ARHGAP31: variants seen among roughly 807,000 people sequenced by gnomAD.
The protein encoded by ARHGAP31 is Rho GTPase activating protein 31.
In ARHGAP31, 34 loss-of-function variants were observed where a neutral mutation model predicts 113.9. The ratio of observed to expected loss-of-function variants is 0.30; its 90% confidence interval spans 0.23 to 0.40. The LOEUF is 0.40. Ranked by LOEUF, ARHGAP31 falls within the 10% of genes least tolerant of loss-of-function variation. The probability of loss-of-function intolerance (pLI) is 1.00; values close to 1 mark genes in which losing one functional copy is unlikely to be tolerated. For synonymous variants in ARHGAP31, 650 were observed against 684.8 expected (o/e 0.95, Z 0.79); for missense variants, 1,548 against 1,767.1 (o/e 0.88, Z 2.22).
At chr3:119,391,608 CGTCACTCATA>C (rs2080505789) in intron 7 of ARHGAP31, among the ~76,000 whole-genome samples, 3 of 140,736 alleles carry the variant, frequency 2.1e-5, no homozygotes, top group African/African-American at 5.6e-5. Context: ...TCCCCCCCGC[CGTCACTCATA>C]TCCCATAGTA....
chr3:119,319,166 G>A lies in ARHGAP31; in HGVS notation c.100+24162G>A, dbSNP rs79507629. 4.1e-3 allele frequency among the ~76,000 whole-genome samples: 616 copies of A among 150,704 alleles called. 1 individual carries two copies. The highest frequency in any genetic ancestry group is 0.014 in the African/African-American group (594 of 40,982). ...CAACCAGAACAAGACACCAACCACA[G>A]AGATTAATCTTCTGGTATGGGTGCT... is the stretch of plus-strand genomic sequence containing the variant. On this transcript the variant is annotated intron_variant, in intron 1 of 11. Transcript: ENST00000264245.
intron 1 of ARHGAP31, among the ~76,000 whole-genome samples, chr3:119,334,750 C>A (rs2079927917): frequency 1.3e-5 from 2 of 152,252 alleles, no homozygotes; most frequent in South Asian, 2.1e-4. Flanking sequence ...CTGCACTAAG[C>A]ACTTTACAAG....
rs144803199 is a variant in ARHGAP31, at chr3:119,319,529, A to C, written c.100+24525A>C. 2.3e-3 allele frequency among the ~76,000 whole-genome samples: 346 copies of C among 152,320 alleles called. 1 individual carries two copies. Among genetic ancestry groups the C allele is most frequent in the African/African-American group, 7.9e-3 (330 of 41,568 alleles). On this transcript the variant is annotated intron_variant, in intron 1 of 11. Coordinates refer to ENST00000264245, the MANE Select transcript of ARHGAP31 (RefSeq NM_020754.4). ...TAAATTGCAGGATATCAAGCAAGGC[A>C]GTTCCCACCTTCCATCTAGATGCCA...
intron 1 of ARHGAP31, among the ~76,000 whole-genome samples, chr3:119,313,292 A>G (rs926409681): frequency 6.6e-6 from 1 of 152,224 alleles, no homozygotes; most frequent in African/African-American, 2.4e-5. Context: ...TTTTGTGTAT[A>G]TACAAGCAAA....
intron 4 of ARHGAP31, 25 bp downstream of exon 4, chr3:119,381,011 G>A (rs781545145): frequency 1.3e-5 from 21 of 1,595,602 alleles, no homozygotes; most frequent in Middle Eastern, 1.7e-4. Context: ...GAAAAGAAAC[G>A]TGTGGCCTCT....
At chr3:119,412,844 G>A (rs1363586703) in intron 11 of ARHGAP31, among the ~76,000 whole-genome samples, 1 of 151,768 alleles carries the variant, frequency 6.6e-6, no homozygotes, top group African/African-American at 2.4e-5. Flanking sequence ...GCAACATGGT[G>A]AAACCCCATC....
intron 3 of ARHGAP31, among the ~76,000 whole-genome samples, chr3:119,376,858 G>A (rs186834861): frequency 6.6e-6 from 1 of 152,236 alleles, no homozygotes; most frequent in East Asian, 1.9e-4. Flanking sequence ...GCAAAGGGGT[G>A]CAGTAGCCAA....
intron 1 of ARHGAP31, among the ~76,000 whole-genome samples, chr3:119,324,522 T>C (rs934501206): frequency 6.6e-6 from 1 of 152,246 alleles, no homozygotes; most frequent in Non-Finnish European, 1.5e-5. Flanking sequence ...TCTTTTAAAC[T>C]TGATCTGTGA....
chr3:119,346,752 A>G (rs183820481), intron 1 of ARHGAP31, among the ~76,000 whole-genome samples: 1 of 152,342 alleles, frequency 6.6e-6, no homozygotes, highest in East Asian at 1.9e-4. Flanking sequence ...CCTGAAAATC[A>G]GAGAAAAAAG....
chr3:119,349,912 C>T (rs934200058), intron 1 of ARHGAP31, among the ~76,000 whole-genome samples: 5 of 152,116 alleles, frequency 3.3e-5, no homozygotes, highest in African/African-American at 7.2e-5. Flanking sequence ...TGAGAATGGT[C>T]ATCTATTCAA....
At chr3:119,372,701 T>G (rs938426192) in intron 3 of ARHGAP31, among the ~76,000 whole-genome samples, 1 of 152,182 alleles carries the variant, frequency 6.6e-6, no homozygotes, top group Non-Finnish European at 1.5e-5. Flanking sequence ...AATAATTGAG[T>G]GCTTACTATA....
intron 1 of ARHGAP31, among the ~76,000 whole-genome samples, chr3:119,297,909 A>AAC (rs10575145): frequency 0.32 from 45,258 of 142,514 alleles, 6,976 homozygotes; most frequent in South Asian, 0.37. Flanking sequence ...TTTCCTTAGA[A>AAC]ACACACACAC....
intron 1 of ARHGAP31, among the ~76,000 whole-genome samples, chr3:119,336,125 A>C (rs919771300): frequency 2.0e-5 from 3 of 152,188 alleles, no homozygotes; most frequent in Non-Finnish European, 4.4e-5. Context: ...CAGTGAGCCA[A>C]GTTCACGCCA....
At chr3:119,343,694 A>G (rs1275278827) in intron 1 of ARHGAP31, among the ~76,000 whole-genome samples, 1 of 152,190 alleles carries the variant, frequency 6.6e-6, no homozygotes, top group Non-Finnish European at 1.5e-5. Flanking sequence ...CACCTATGGG[A>G]AGGGAAAACC....
In ARHGAP31 at chr3:119,351,149, C is replaced by T. The variant is rs148788690; in HGVS notation, c.101-14167C>T. 3.3e-3 allele frequency among the ~76,000 whole-genome samples: 496 copies of T among 152,316 alleles called. 8 individuals carry two copies. Among genetic ancestry groups the T allele is most frequent in the Non-Finnish European group, 1.4e-3 (93 of 68,032 alleles). On this transcript the variant is annotated intron_variant, in intron 1 of 11. Transcript: ENST00000264245. ...TTGCTGTAACTGTTGGGTACCCCAG[C>T]ACCTACTGCCTGGAAGATACCTAGG... is the stretch of plus-strand genomic sequence containing the variant.
intron 3 of ARHGAP31, among the ~76,000 whole-genome samples, chr3:119,377,011 T>C (rs541981888): frequency 1.3e-5 from 2 of 152,362 alleles, no homozygotes; most frequent in East Asian, 3.9e-4. Flanking sequence ...ATGCTGGTGT[T>C]CATCACTATG....
intron 10 of ARHGAP31, among the ~76,000 whole-genome samples, chr3:119,405,466 G>T (rs879353910): frequency 6.6e-6 from 1 of 152,232 alleles, no homozygotes. Context: ...CATGGGAAAG[G>T]GCTAGAGGAA....
In ARHGAP31 at chr3:119,391,598, T is replaced by TCCC. The variant is rs1422804516; in HGVS notation, c.881+620_881+622dup. On this transcript the variant is annotated intron_variant, in intron 7 of 11. Transcript: ENST00000264245. ...TGCCACCTGGGTCTCTACCCCCCCCTCCCCCCCGCCGTCACTCATATCCCA... is the reference window on the plus strand; with the variant it reads ...TGCCACCTGGGTCTCTACCCCCCCCTCCCCCCCCCCGCCGTCACTCATATCCCA... Among the ~76,000 whole-genome samples the TCCC allele has an allele frequency of 6.9e-5, 6 of 87,090 alleles. No individual in the cohort carries two copies. The South Asian group carries it at 2.0e-3, about 29-fold the overall frequency. The allele number at this position is 87,090 out of a possible 152,430, so 57.1% of individuals were successfully genotyped here. A position where few individuals can be genotyped will look rare whatever the true frequency, so the allele number is the denominator to read the frequency against.
chr3:119,314,894 C>T (rs750620313), intron 1 of ARHGAP31: 17 of 152,206 alleles, frequency 1.1e-4, no homozygotes, highest in Non-Finnish European at 1.8e-4. Context: ...GGCCCCAGAG[C>T]CTGTATTTAC....
Sources: allele counts gnomAD v4.1 joint callset (sites outside exome capture counted in the v4.1 genomes callset), GRCh38; gene constraint gnomAD v4.1.1; transcripts MANE v1.5; gene names NCBI Gene and HGNC (gene_info 2026-07-23, HGNC 2026-07-21).